Variants in CAMK2D observed in about 807,000 individuals in gnomAD.
CAMK2D encodes calcium/calmodulin dependent protein kinase II delta.
In CAMK2D, 37 loss-of-function variants were observed where a neutral mutation model predicts 84.0. The ratio of observed to expected loss-of-function variants is 0.44; its 90% CI spans 0.34 to 0.58. CAMK2D has a LOEUF of 0.58. CAMK2D is among the 20% of genes least tolerant of loss of function. CAMK2D has a pLI of 0.02. For missense variants in CAMK2D, 448 were observed against 652.5 expected, an observed-to-expected ratio of 0.69 and a Z score of 3.41; for synonymous variants, 202 against 212.5, an observed-to-expected ratio of 0.95 and a Z score of 0.43.
chr4:113,580,195 C>CA (rs2098801368), intron 4 of CAMK2D, among the ~76,000 whole-genome samples: 1 of 152,132 alleles, frequency 6.6e-6, no homozygotes, highest in Non-Finnish European at 1.5e-5. Flanking sequence ...ATTAAAAAGG[C>CA]AAGAGAAAAT....
chr4:113,470,642 A>G (rs1357144073), intron 16 of CAMK2D, among the ~76,000 whole-genome samples: 2 of 124,848 alleles, frequency 1.6e-5, no homozygotes, highest in East Asian at 6.0e-4. Flanking sequence ...GTCTCAAAAA[A>G]AAGAAAAAAA....
intron 2 of CAMK2D, among the ~76,000 whole-genome samples, chr4:113,663,799 T>A (rs2099246661): frequency 6.6e-6 from 1 of 151,832 alleles, no homozygotes. Flanking sequence ...AGACAGTAAG[T>A]TCTACAGAGT....
chr4:113,724,170 A>G (rs2099539287), intron 2 of CAMK2D, among the ~76,000 whole-genome samples: 1 of 152,070 alleles, frequency 6.6e-6, no homozygotes, highest in Non-Finnish European at 1.5e-5. Context: ...AAATTTTTCT[A>G]CTTTTCGTAT....
intron 2 of CAMK2D, among the ~76,000 whole-genome samples, chr4:113,736,770 GA>G (rs957694704): frequency 6.6e-6 from 1 of 152,000 alleles, no homozygotes; most frequent in Non-Finnish European, 1.5e-5. Flanking sequence ...AAGGGCTAAA[GA>G]AAAAATGTAT....
At chr4:113,615,525 T>C (rs1408367613) in intron 3 of CAMK2D, among the ~76,000 whole-genome samples, 2 of 152,094 alleles carry the variant, frequency 1.3e-5, no homozygotes, top group East Asian at 1.9e-4. Context: ...CTAACACTTC[T>C]AGAAAAGTGA....
intron 2 of CAMK2D, among the ~76,000 whole-genome samples, chr4:113,711,961 C>T (rs112448764): frequency 0.032 from 4,836 of 152,198 alleles, 266 homozygotes; most frequent in African/African-American, 0.11. Context: ...AGTAGAGCAG[C>T]CACTCACTAG....
intron 16 of CAMK2D, among the ~76,000 whole-genome samples, chr4:113,473,327 T>G (rs2097568836): frequency 6.6e-6 from 1 of 152,210 alleles, no homozygotes; most frequent in African/African-American, 2.4e-5. Context: ...AAAAGGTGCC[T>G]ATCAATTCAG....
At chr4:113,692,595 T>A (rs1362423800) in intron 2 of CAMK2D, among the ~76,000 whole-genome samples, 1 of 152,026 alleles carries the variant, frequency 6.6e-6, no homozygotes, top group African/African-American at 2.4e-5. Flanking sequence ...CACATATTCA[T>A]ATATTCATAC....
chr4:113,575,681 G>A (rs1195287473), intron 4 of CAMK2D, among the ~76,000 whole-genome samples: 1 of 152,110 alleles, frequency 6.6e-6, no homozygotes, highest in Non-Finnish European at 1.5e-5. Flanking sequence ...TGCAATCAGT[G>A]TATCTATGTC....
At chr4:113,479,863 A>G (rs1474925460) in intron 16 of CAMK2D, among the ~76,000 whole-genome samples, 1 of 152,228 alleles carries the variant, frequency 6.6e-6, no homozygotes, top group African/African-American at 2.4e-5. Flanking sequence ...TTGTATCACT[A>G]TTCAACATGA....
At chr4:113,721,478 T>C (rs570464465) in intron 2 of CAMK2D, among the ~76,000 whole-genome samples, 1 of 152,294 alleles carries the variant, frequency 6.6e-6, no homozygotes, top group Admixed American at 6.5e-5. Flanking sequence ...GTGTCACTAA[T>C]ACAATATGTA....
At chr4:113,576,074 C>T (rs150334157) in intron 4 of CAMK2D, among the ~76,000 whole-genome samples, 1 of 152,216 alleles carries the variant, frequency 6.6e-6, no homozygotes, top group Non-Finnish European at 1.5e-5. Context: ...CCTCTTGTCA[C>T]CCAGGCTGGA....
chr4:113,608,774 T>C (rs759516386), intron 4 of CAMK2D, among the ~76,000 whole-genome samples: 1 of 152,200 alleles, frequency 6.6e-6, no homozygotes, highest in Non-Finnish European at 1.5e-5. Flanking sequence ...TCCAAGTTTC[T>C]TCCTTGAGTC....
intron 2 of CAMK2D, among the ~76,000 whole-genome samples, chr4:113,664,891 C>T (rs1016945306): frequency 1.3e-5 from 2 of 151,928 alleles, no homozygotes; most frequent in African/African-American, 4.8e-5. Context: ...GCAACCTCCA[C>T]CCCCCGGGTT....
chr4:113,632,228 A>G (rs2099092667), intron 3 of CAMK2D, among the ~76,000 whole-genome samples: 2 of 151,924 alleles, frequency 1.3e-5, no homozygotes, highest in Admixed American at 6.6e-5. Flanking sequence ...TATTATCATT[A>G]TTATTATTAT....
chr4:113,705,698 T>A (rs1185732748), intron 2 of CAMK2D, among the ~76,000 whole-genome samples: 1 of 152,258 alleles, frequency 6.6e-6, no homozygotes, highest in Non-Finnish European at 1.5e-5. Context: ...TAGCTTTTGC[T>A]TTCTCCATAG....
intron 6 of CAMK2D, among the ~76,000 whole-genome samples, chr4:113,545,347 G>A (rs996731903): frequency 6.6e-5 from 10 of 152,086 alleles, no homozygotes; most frequent in Non-Finnish European, 1.2e-4. Context: ...TCTCACTGAT[G>A]TGGACAAATT....
intron 3 of CAMK2D, among the ~76,000 whole-genome samples, chr4:113,626,671 T>C (rs1379221447): frequency 6.6e-6 from 1 of 152,118 alleles, no homozygotes. Context: ...CTCTCCAATC[T>C]TGGCAAAGTA....
At chr4:113,473,357 T>C (rs2097569046) in intron 16 of CAMK2D, among the ~76,000 whole-genome samples, 1 of 152,254 alleles carries the variant, frequency 6.6e-6, no homozygotes, top group Non-Finnish European at 1.5e-5. Context: ...GCATTCTCTG[T>C]GCAATTAGCG....
Sources: gnomAD v4.1 joint callset for allele counts (sites outside exome capture counted in the v4.1 genomes callset) on GRCh38, gnomAD v4.1.1 for gene constraint, MANE v1.5 for transcripts, NCBI Gene and HGNC (gene_info 2026-07-23, HGNC 2026-07-21) for gene names.